The following EPB41 variants were observed in gnomAD, a reference collection of about 807,000 sequenced individuals.
The protein encoded by EPB41 is erythrocyte membrane protein band 4.1.
In EPB41, 65 loss-of-function variants were observed where a neutral mutation model predicts 108.0. The ratio of observed to expected loss-of-function variants is 0.60; its 90% CI spans 0.49 to 0.74. EPB41 has a LOEUF of 0.74. EPB41 is among the 30% of genes least tolerant of loss of function. EPB41 has a pLI of 0.00. For synonymous variants in EPB41, 336 were observed against 358.9 expected, an observed-to-expected ratio of 0.94 and a Z score of 0.72; for missense variants, 875 against 1,037.0, an observed-to-expected ratio of 0.84 and a Z score of 2.15.
intron 8 of EPB41, among the ~76,000 whole-genome samples, chr1:29,030,712 C>T (rs531166998): frequency 1.1e-4 from 17 of 151,532 alleles, no homozygotes; most frequent in Admixed American, 9.9e-4. Context: ...GGAGATCGAG[C>T]GTACAGTGAG....
At chr1:29,030,533 A>G (rs1443755768) in intron 8 of EPB41, 46 bp downstream of exon 8, 3 of 1,321,112 alleles carry the variant, frequency 2.3e-6, no homozygotes, top group Non-Finnish European at 3.3e-6. Context: ...GGAAGATATT[A>G]TATGATACAT....
chr1:29,079,498 C>T (rs1188751028), intron 16 of EPB41, among the ~76,000 whole-genome samples: 2 of 151,400 alleles, frequency 1.3e-5, no homozygotes, highest in Admixed American at 1.3e-4. Context: ...GCAACCTCCA[C>T]TTCCCAGGTT....
chr1:28,923,701 T>A (rs916590098), intron 1 of EPB41, among the ~76,000 whole-genome samples: 6 of 152,210 alleles, frequency 3.9e-5, no homozygotes, highest in Non-Finnish European at 7.3e-5. Flanking sequence ...ATTTAATGTA[T>A]TCTCTTTGGT....
intron 1 of EPB41, among the ~76,000 whole-genome samples, chr1:28,951,730 TGTG>T (rs2094730631): frequency 6.6e-6 from 1 of 152,076 alleles, no homozygotes; most frequent in Non-Finnish European, 1.5e-5. Flanking sequence ...AGTACACACC[TGTG>T]GTCCTAGCTA....
At chr1:28,985,787 A>G (rs1329900902) in intron 1 of EPB41, 2 of 151,788 alleles carry the variant, frequency 1.3e-5, no homozygotes, top group African/African-American at 4.8e-5. Flanking sequence ...CTCGACTCCC[A>G]CTGCTTCACC....
In EPB41 at chr1:29,088,045, C is replaced by CTTTTTTTTTTTT. The variant is rs750809586; in HGVS notation, c.2185-9755_2185-9754insTTTTTTTTTTTT. Among the ~76,000 whole-genome samples, 6 of 131,572 alleles carry CTTTTTTTTTTTT rather than the reference C, an allele frequency of 4.6e-5. 1 individual carries two copies. Among genetic ancestry groups the CTTTTTTTTTTTT allele is most frequent in the Admixed American group, 7.6e-5 (1 of 13,146 alleles). The allele number at this position is 131,572 out of a possible 152,430, so 86.3% of individuals were successfully genotyped here. On this transcript the variant is annotated intron_variant, in intron 16 of 20. Transcript: ENST00000343067. ...CATCTTTTTTCCTTTTTCTTTTTTT[C>CTTTTTTTTTTTT]TTTTTTTCTTTTTTTTTTGAGATGG...
intron 1 of EPB41, among the ~76,000 whole-genome samples, chr1:28,968,761 C>T (rs149619786): frequency 1.3e-5 from 2 of 151,948 alleles, no homozygotes; most frequent in Admixed American, 1.3e-4. Flanking sequence ...GCCAGAAGTT[C>T]GAGACCAGCC....
Position 29,073,558 on chromosome 1 carries a change from A to T in EPB41, c.2184+8400A>T, listed in dbSNP as rs139885570. Among the ~76,000 whole-genome samples the T allele has an allele frequency of 3.0e-3, 464 of 152,280 alleles. 2 individuals are homozygous for T. The highest frequency in any genetic ancestry group is 0.011 in the African/African-American group (449 of 41,558). ...AGTCGTTAAATAGCTGTTTATTTCC[A>T]TCTACTCCTTATTGATATTTGACCA... On this transcript the variant is annotated intron_variant, in intron 16 of 20. Transcript: ENST00000343067.
chr1:29,048,670 A>G (rs1643952561), intron 11 of EPB41, among the ~76,000 whole-genome samples: 1 of 152,184 alleles, frequency 6.6e-6, no homozygotes, highest in African/African-American at 2.4e-5. Flanking sequence ...ATCCGGGACA[A>G]TTCTCCTAGG....
chr1:29,115,602 A>G lies in EPB41; in HGVS notation c.2497-97A>G. ...CTGCCCTGGTACTGCAGACAGGAGT[A>G]TTGGATCTGTCAGAACATCAGAGAA... On this transcript the variant is annotated intron_variant, in intron 19 of 20. Coordinates refer to ENST00000343067, the MANE Select transcript of EPB41 (RefSeq NM_001376013.1). This position sits in a 1 kb window ranked among gnomAD's most constrained non-coding sequence, Gnocchi z 4.4. The G allele has an allele frequency of 9.7e-7, 1 of 1,035,476 alleles. No homozygotes were observed. Among genetic ancestry groups the G allele is most frequent in the South Asian group, 1.3e-5 (1 of 75,758 alleles). The allele number at this position is 1,035,476 out of a possible 1,614,324, so 64.1% of individuals were successfully genotyped here.
intron 11 of EPB41, among the ~76,000 whole-genome samples, chr1:29,044,357 G>T (rs996036879): frequency 6.6e-6 from 1 of 152,142 alleles, no homozygotes; most frequent in African/African-American, 2.4e-5. Context: ...CTGATGTATT[G>T]TCTTTTCCTG....
chr1:29,093,678 G>C (rs1008063654), intron 16 of EPB41, among the ~76,000 whole-genome samples: 4 of 152,162 alleles, frequency 2.6e-5, no homozygotes, highest in African/African-American at 9.7e-5. Flanking sequence ...AGGCCGAGGT[G>C]GGTGGATCAC....
rs529384718 is a variant in EPB41, at chr1:29,110,446, G to C, written c.2415+1009G>C. ...TTTCCAAGCCCAAAATCAGAACTCT[G>C]GGTCTGAGGAAGAATTTTTACAGCA... On this transcript the variant is annotated intron_variant, in intron 18 of 20. Transcript: ENST00000343067. Among the ~76,000 whole-genome samples the C allele has an allele frequency of 3.3e-5, 5 of 152,266 alleles. No individual in the cohort carries two copies. The South Asian group carries it at 1.0e-3, about 32-fold the overall frequency.
intron 2 of EPB41, among the ~76,000 whole-genome samples, chr1:28,988,240 A>T (rs2095915860): frequency 6.6e-6 from 1 of 152,238 alleles, no homozygotes. Flanking sequence ...AGCCTAGGCA[A>T]CAAGGATGAG....
At chr1:28,963,379 GTGTC>G (rs1189859510) in intron 1 of EPB41, among the ~76,000 whole-genome samples, 2 of 142,642 alleles carry the variant, frequency 1.4e-5, no homozygotes, top group Non-Finnish European at 3.1e-5. Context: ...GTGTGTGTGT[GTGTC>G]TGTGTGTGAT....
At chr1:29,035,208 C>T (rs1639009775) in intron 9 of EPB41, among the ~76,000 whole-genome samples, 1 of 152,014 alleles carries the variant, frequency 6.6e-6, no homozygotes, top group Admixed American at 6.6e-5. Flanking sequence ...TGGTCTTGAA[C>T]TCCTGACCTT....
chr1:28,963,920 ACT>A (rs986754683), intron 1 of EPB41, among the ~76,000 whole-genome samples: 4 of 152,116 alleles, frequency 2.6e-5, no homozygotes, highest in Admixed American at 6.5e-5. Flanking sequence ...CTTTTTTCTG[ACT>A]CTGAAGCTGG....
intron 1 of EPB41, among the ~76,000 whole-genome samples, chr1:28,976,500 G>A (rs1177338977): frequency 6.6e-6 from 1 of 152,008 alleles, no homozygotes; most frequent in Non-Finnish European, 1.5e-5. Flanking sequence ...GATTACAGGG[G>A]CATGTCACCA....
intron 16 of EPB41, among the ~76,000 whole-genome samples, chr1:29,094,423 C>T (rs972914764): frequency 1.3e-4 from 20 of 152,144 alleles, no homozygotes; most frequent in African/African-American, 3.6e-4. Flanking sequence ...ACTACAGGCA[C>T]ATGCCACCAT....
Sources: gnomAD v4.1 joint callset for allele counts (sites outside exome capture counted in the v4.1 genomes callset) on GRCh38, gnomAD v4.1.1 for gene constraint, Gnocchi (gnomAD v3.1) non-coding constraint, MANE v1.5 for transcripts, NCBI Gene and HGNC (gene_info 2026-07-23, HGNC 2026-07-21) for gene names.